The following MTX2 variants were observed in gnomAD, a reference collection of about 807,000 sequenced individuals.
The protein encoded by MTX2 is metaxin-2.
MTX2 carries 35 observed loss-of-function variants against 42.3 expected under a neutral mutation model. The observed-to-expected ratio is 0.83, with a 90% CI of 0.63 to 1.10. The LOEUF is 1.10. Ranked by LOEUF, MTX2 falls within the 50% of genes least tolerant of loss-of-function variation. The pLI is 0.00. For synonymous variants in MTX2, 119 were observed against 100.9 expected (o/e 1.18, Z -1.08); for missense variants, 307 against 304.1 (o/e 1.01, Z -0.07).
At chr2:176,286,711 G>A (rs1379155284) in intron 1 of MTX2, among the ~76,000 whole-genome samples, 1 of 151,840 alleles carries the variant, frequency 6.6e-6, no homozygotes, top group Non-Finnish European at 1.5e-5. Flanking sequence ...CACCATGCCC[G>A]GCTAATTTTG....
intron 1 of MTX2, among the ~76,000 whole-genome samples, chr2:176,279,371 A>T (rs1693028143): frequency 6.6e-6 from 1 of 152,152 alleles, no homozygotes; most frequent in South Asian, 2.1e-4. Context: ...GGCCATTATT[A>T]TTCCAGTGTT....
At chr2:176,332,672 A>G (rs1466505807) in intron 9 of MTX2, among the ~76,000 whole-genome samples, 1 of 151,394 alleles carries the variant, frequency 6.6e-6, no homozygotes, top group Non-Finnish European at 1.5e-5. Flanking sequence ...AGAGGCCAAA[A>G]AGCAAGGGGC....
intron 1 of MTX2, among the ~76,000 whole-genome samples, chr2:176,281,835 C>T (rs1394153563): frequency 6.6e-6 from 1 of 152,064 alleles, no homozygotes; most frequent in Non-Finnish European, 1.5e-5. Context: ...AATTAGTTAT[C>T]TATGGAACTC....
intron 1 of MTX2, among the ~76,000 whole-genome samples, chr2:176,279,254 G>C (rs1214258813): frequency 6.6e-6 from 1 of 152,052 alleles, no homozygotes; most frequent in Non-Finnish European, 1.5e-5. Context: ...GTATCTTTGA[G>C]TATTACAATG....
At chr2:176,296,467 CA>C (rs1156342796) in intron 1 of MTX2, among the ~76,000 whole-genome samples, 6 of 152,170 alleles carry the variant, frequency 3.9e-5, no homozygotes, top group African/African-American at 9.6e-5. Context: ...TATTTCACTA[CA>C]ATTTTTTGTA....
chr2:176,310,618 C>G (rs1684280690), intron 3 of MTX2, among the ~76,000 whole-genome samples: 1 of 152,042 alleles, frequency 6.6e-6, no homozygotes, highest in Non-Finnish European at 1.5e-5. Flanking sequence ...TTTTCTCTAA[C>G]CTTGTCTTCT....
intron 3 of MTX2, among the ~76,000 whole-genome samples, chr2:176,309,875 C>T (rs1264325949): frequency 1.3e-5 from 2 of 152,006 alleles, no homozygotes; most frequent in Admixed American, 1.3e-4. Context: ...CAGTCTGTGT[C>T]TTTTAATTGG....
At chr2:176,284,663 C>T (rs1185113521) in intron 1 of MTX2, among the ~76,000 whole-genome samples, 1 of 152,122 alleles carries the variant, frequency 6.6e-6, no homozygotes, top group Non-Finnish European at 1.5e-5. Context: ...GTTACTAAGG[C>T]ATGTTTTAAA....
intron 3 of MTX2, among the ~76,000 whole-genome samples, chr2:176,313,010 CATA>C (rs924928145): frequency 9.9e-5 from 15 of 151,316 alleles, no homozygotes; most frequent in East Asian, 3.9e-4. Flanking sequence ...AATTATAGTA[CATA>C]ATAATTATTT....
In MTX2 at chr2:176,296,850, G is replaced by A. The variant is rs776034730; in HGVS notation, c.41-10G>A. 8.6e-5 allele frequency: 138 copies of A among 1,613,150 alleles called. No individual in the cohort carries two copies. Among genetic ancestry groups the A allele is most frequent in the Middle Eastern group, 3.3e-4 (2 of 6,078 alleles). On this transcript the variant is annotated splice_polypyrimidine_tract_variant and intron_variant, in intron 1 of 9. Coordinates refer to ENST00000249442, the MANE Select transcript of MTX2 (RefSeq NM_006554.5). ...TTATGTGCCTAATTATCACTGCCTT[G>A]TTTCCATAGCTGCAGAACCTTGGCC...
At chr2:176,298,200 G>T (rs1291130993) in intron 3 of MTX2, among the ~76,000 whole-genome samples, 1 of 151,760 alleles carries the variant, frequency 6.6e-6, no homozygotes, top group Non-Finnish European at 1.5e-5. Context: ...GGATATGATG[G>T]TGTTGATTAT....
intron 3 of MTX2, among the ~76,000 whole-genome samples, chr2:176,320,580 T>G (rs1288173721): frequency 2.6e-5 from 4 of 152,266 alleles, no homozygotes; most frequent in South Asian, 4.1e-4. Context: ...TTATCAACTT[T>G]CAGTCATCAT....
At chr2:176,305,666 C>T (rs1684125269) in intron 3 of MTX2, among the ~76,000 whole-genome samples, 1 of 152,002 alleles carries the variant, frequency 6.6e-6, no homozygotes, top group Non-Finnish European at 1.5e-5. Flanking sequence ...TTCTAATTGT[C>T]TCTTTTGTTG....
chr2:176,313,887 G>T (rs1575053259), intron 3 of MTX2, among the ~76,000 whole-genome samples: 1 of 152,070 alleles, frequency 6.6e-6, no homozygotes, highest in Non-Finnish European at 1.5e-5. Flanking sequence ...GAGTGGTAGG[G>T]TTTATGACTC....
intron 3 of MTX2, among the ~76,000 whole-genome samples, chr2:176,301,144 A>G (rs993785678): frequency 6.6e-6 from 1 of 152,162 alleles, no homozygotes; most frequent in Non-Finnish European, 1.5e-5. Context: ...TTGATACTGA[A>G]TAATATATTT....
rs1019439875 is a variant in MTX2, at chr2:176,269,452, A to G, written c.-178A>G. On this transcript the variant is annotated 5_prime_UTR_variant, in exon 1 of 10. Transcript: ENST00000249442. Reference sequence around the variant, plus strand: ...TCGGCTGCGCCGGAAGTCCCTAGCCAGGCCTGGCGGTAACCTTGGGGGCCT... The same window carrying G: ...TCGGCTGCGCCGGAAGTCCCTAGCCGGGCCTGGCGGTAACCTTGGGGGCCT... 12 of 638,714 alleles carry G rather than the reference A, an allele frequency of 1.9e-5. No homozygotes were observed. In the African/African-American group the frequency reaches 2.1e-4, roughly 11 times the overall value. The allele number at this position is 638,714 out of a possible 1,614,324, so 39.6% of individuals were successfully genotyped here.
At position 176,337,554 on chromosome 2, in the gene MTX2, A is replaced by T. The variant is rs554382764; in HGVS notation, c.682A>T (p.Thr228Ser). 4.3e-6 allele frequency: 7 copies of T among 1,613,370 alleles called. No homozygotes were observed. The South Asian group carries it at 6.6e-5, about 15-fold the overall frequency. ...ATACACCATTCTTACCACACAATTG[A>T]CAAATGATGAACTTTCTGAGAAGGT... ...HLYTILTTQL[T>S]NDELSEKVKN... The change falls in exon 10 of 10, where the codon ACA (threonine) becomes TCA (serine). Residue 228 changes from threonine to serine, a missense_variant. Transcript: ENST00000249442.
chr2:176,278,854 C>T (rs568282405), intron 1 of MTX2, among the ~76,000 whole-genome samples: 5 of 151,934 alleles, frequency 3.3e-5, no homozygotes, highest in Non-Finnish European at 7.4e-5. Context: ...AAAAGGGATG[C>T]ATGCTTTAAT....
intron 3 of MTX2, among the ~76,000 whole-genome samples, chr2:176,303,830 G>T (rs1224281501): frequency 6.6e-6 from 1 of 151,982 alleles, no homozygotes; most frequent in Non-Finnish European, 1.5e-5. Flanking sequence ...TTTTTAAAGG[G>T]TAATGGTTTA....
Sources: gnomAD v4.1 joint callset for allele counts (sites outside exome capture counted in the v4.1 genomes callset) on GRCh38, gnomAD v4.1.1 for gene constraint, MANE v1.5 for transcripts, NCBI Gene and HGNC (gene_info 2026-07-23, HGNC 2026-07-21) for gene names.